Variants in OR2AT4 observed in about 807,000 individuals in gnomAD.
OR2AT4 encodes the protein olfactory receptor family 2 subfamily AT member 4.
Under a neutral mutation model 10.3 loss-of-function variants are expected in OR2AT4, and 6 were observed. The ratio of observed to expected loss-of-function variants is 0.58; its 90% CI spans 0.32 to 1.15. The LOEUF (loss-of-function observed/expected upper bound fraction) is 1.15. Among genes scored for constraint, OR2AT4 ranks in the 50% most tolerant of loss-of-function variants. The pLI, the probability that OR2AT4 is intolerant of heterozygous loss-of-function variation, is 0.05. For missense variants in OR2AT4, 354 were observed against 393.8 expected, an observed-to-expected ratio of 0.90 and a Z score of 0.85; for synonymous variants, 145 against 159.1, an observed-to-expected ratio of 0.91 and a Z score of 0.67.
At chr11:75,094,070 G>A (rs1213720475) in intron 1 of OR2AT4, among the ~76,000 whole-genome samples, 4 of 151,852 alleles carry the variant, frequency 2.6e-5, no homozygotes, top group African/African-American at 4.8e-5. Flanking sequence ...TGATCCACCT[G>A]CCTCAGCCTC....
At chr11:75,086,449 G>T (rs1200826206) in exon 2 of OR2AT4, 3 of 152,126 alleles carry the variant, frequency 2.0e-5, no homozygotes, top group Non-Finnish European at 4.4e-5. Context: ...TAATGAATTT[G>T]TACCTAGAAT....
rs1388827405 is a variant in OR2AT4, at chr11:75,093,738, T to C, written c.-652+3090A>G. ...AAATATCTCTCATGCCATTGAATCA[T>C]AAAAAATTCCAAACCTGGAAATATC... is the stretch of plus-strand genomic sequence containing the variant. On this transcript the variant is annotated intron_variant, in intron 1 of 1. Transcript: ENST00000641504. 2.0e-5 allele frequency among the ~76,000 whole-genome samples: 3 copies of C among 151,092 alleles called. 1 individual carries two copies. The highest frequency in any genetic ancestry group is 1.3e-4 in the Admixed American group (2 of 15,156).
intron 1 of OR2AT4, among the ~76,000 whole-genome samples, chr11:75,095,546 T>C (rs1463588669): frequency 6.6e-6 from 1 of 152,194 alleles, no homozygotes. Context: ...TCGTTTCTAT[T>C]TGATACTGCA....
chr11:75,084,550 C>T lies in OR2AT4; in HGVS notation c.*4201G>A, dbSNP rs1949281066. 3 of 152,128 alleles carry T rather than the reference C, an allele frequency of 2.0e-5. No individual in the cohort carries two copies. In the South Asian group the frequency reaches 6.2e-4, roughly 32 times the overall value. 9.4% of individuals were successfully genotyped at this position (152,128 alleles called of 1,614,324 possible). Reference sequence around the variant, plus strand: ...GAACACTCCACATAATAGCAGAATACACTTCCAAGGGTGCACAGAACATTC... The same window carrying T: ...GAACACTCCACATAATAGCAGAATATACTTCCAAGGGTGCACAGAACATTC... On this transcript the variant is annotated 3_prime_UTR_variant, in exon 2 of 2. Transcript: ENST00000641504.
intron 1 of OR2AT4, among the ~76,000 whole-genome samples, chr11:75,094,656 G>A (rs1195328254): frequency 6.6e-6 from 1 of 152,168 alleles, no homozygotes; most frequent in Non-Finnish European, 1.5e-5. Context: ...GCTGAGGCAG[G>A]AGGATCACTT....
At chr11:75,085,708 G>A (rs1949287462) in exon 2 of OR2AT4, 1 of 152,010 alleles carries the variant, frequency 6.6e-6, no homozygotes, top group Non-Finnish European at 1.5e-5. Flanking sequence ...TAAAATTAAA[G>A]AGCTAAGTAA....
intron 1 of OR2AT4, among the ~76,000 whole-genome samples, chr11:75,095,219 A>G (rs1364794420): frequency 6.6e-6 from 1 of 152,194 alleles, no homozygotes; most frequent in African/African-American, 2.4e-5. Context: ...GCTCCCACCC[A>G]GTCTTTGTAG....
chr11:75,088,885 T>C (rs1259767998), exon 2 of OR2AT4: 3 of 1,613,986 alleles, frequency 1.9e-6, no homozygotes, highest in South Asian at 1.1e-5. Flanking sequence ...TTGCCCATGA[T>C]ATGGAAGTCA....
chr11:75,094,135 TA>T (rs1173977281), intron 1 of OR2AT4, among the ~76,000 whole-genome samples: 3 of 152,002 alleles, frequency 2.0e-5, no homozygotes, highest in Non-Finnish European at 4.4e-5. Flanking sequence ...CTTTTTCTTT[TA>T]ATATAGAAAG....
exon 2 of OR2AT4, chr11:75,089,586 A>T (rs769692001): frequency 6.2e-7 from 1 of 1,614,122 alleles, no homozygotes; most frequent in Non-Finnish European, 8.5e-7. Context: ...ACCCATCAGG[A>T]TGAGAAGGTA....
At chr11:75,083,564 C>G (rs1321363232) in exon 2 of OR2AT4, 1 of 152,144 alleles carries the variant, frequency 6.6e-6, no homozygotes, top group Non-Finnish European at 1.5e-5. Context: ...AAAGAAAATA[C>G]GTTATTCTAT....
Position 75,085,824 on chromosome 11 carries a change from A to C in OR2AT4, c.*2927T>G, listed in dbSNP as rs1290059289. ...TTAACATAGTCCCTCCCCTCCCCAA[A>C]TCCCAGTAACTTGGTTCTAAAATTT... On this transcript the variant is annotated 3_prime_UTR_variant, in exon 2 of 2. Transcript: ENST00000641504. The C allele has an allele frequency of 3.3e-5, 5 of 152,238 alleles. No individual in the cohort carries two copies. The East Asian group carries it at 9.6e-4, about 29-fold the overall frequency. The allele number at this position is 152,238 out of a possible 1,614,324, so 9.4% of individuals were successfully genotyped here. A position where few individuals can be genotyped will look rare whatever the true frequency, so the allele number is the denominator to read the frequency against.
exon 2 of OR2AT4, chr11:75,088,604 C>T: frequency 2.6e-6 from 2 of 771,410 alleles, no homozygotes; most frequent in Admixed American, 4.0e-5. Flanking sequence ...GTAAAGGTTT[C>T]TTGAATTACT....
exon 2 of OR2AT4, chr11:75,086,715 A>G (rs937496894): frequency 1.3e-5 from 2 of 152,234 alleles, no homozygotes; most frequent in African/African-American, 4.8e-5. Context: ...CTACATTGAC[A>G]CATCATTATG....
At chr11:75,089,351 C>T in exon 2 of OR2AT4, 3 of 1,614,144 alleles carry the variant, frequency 1.9e-6, no homozygotes, top group Non-Finnish European at 2.5e-6. Context: ...AGGCCATGAC[C>T]ACCAGGATGA....
At chr11:75,086,714 C>T (rs1949292629) in exon 2 of OR2AT4, 1 of 152,178 alleles carries the variant, frequency 6.6e-6, no homozygotes, top group East Asian at 1.9e-4. Flanking sequence ...CCTACATTGA[C>T]ACATCATTAT....
At chr11:75,090,052 G>A (rs1949314429) in exon 2 of OR2AT4, 2 of 240,748 alleles carry the variant, frequency 8.3e-6, no homozygotes. Flanking sequence ...ATTTTACTGG[G>A]AAAATCAGAT....
chr11:75,096,247 C>G (rs751351721), intron 1 of OR2AT4: 9 of 152,140 alleles, frequency 5.9e-5, no homozygotes, highest in African/African-American at 2.2e-4. Context: ...ATGAGAGATT[C>G]GAAGACAGAT....
chr11:75,082,765 G>A (rs540101494), exon 2 of OR2AT4: 1 of 152,100 alleles, frequency 6.6e-6, no homozygotes, highest in African/African-American at 2.4e-5. Context: ...AGAGTAAACA[G>A]ACAACCTACA....
Sources: allele counts gnomAD v4.1 joint callset (sites outside exome capture counted in the v4.1 genomes callset), GRCh38; gene constraint gnomAD v4.1.1; transcripts MANE v1.5; gene names NCBI Gene and HGNC (gene_info 2026-07-23, HGNC 2026-07-21).